LRRC4C: variants seen among roughly 807,000 people sequenced by gnomAD.
The protein encoded by LRRC4C is leucine rich repeat containing 4C, also known as leucine-rich repeat-containing protein 4C.
A neutral mutation model predicts 33.6 loss-of-function variants in LRRC4C; 5 were observed. That is an observed-to-expected ratio of 0.15 (90% CI 0.08 to 0.31). The LOEUF (loss-of-function observed/expected upper bound fraction) is 0.31, where lower values mean the gene tolerates loss of function less well. LRRC4C is among the 10% of genes least tolerant of loss of function. The probability of loss-of-function intolerance (pLI) is 1.00; values close to 1 mark genes in which losing one functional copy is unlikely to be tolerated. For missense variants in LRRC4C, 560 were observed against 796.7 expected (o/e 0.70, Z 3.58); for synonymous variants, 329 against 302.0 (o/e 1.09, Z -0.93).
intron 6 of LRRC4C, among the ~76,000 whole-genome samples, chr11:40,140,474 G>T (rs1374998597): frequency 6.6e-6 from 1 of 152,072 alleles, no homozygotes; most frequent in Non-Finnish European, 1.5e-5. Flanking sequence ...GACTGAATGA[G>T]GAGGCACTCA....
intron 3 of LRRC4C, among the ~76,000 whole-genome samples, chr11:40,454,114 T>G (rs1202290569): frequency 6.6e-6 from 1 of 152,118 alleles, no homozygotes; most frequent in African/African-American, 2.4e-5. Context: ...CTGTGGTATT[T>G]GGAGAATATT....
intron 3 of LRRC4C, among the ~76,000 whole-genome samples, chr11:40,613,641 A>G (rs2132216): frequency 0.95 from 144,908 of 151,808 alleles, 69,497 homozygotes; most frequent in Middle Eastern, 1. Context: ...TATTTTAAAT[A>G]CCATCTAGGA....
intron 5 of LRRC4C, among the ~76,000 whole-genome samples, chr11:40,149,212 G>T (rs191929256): frequency 7.6e-4 from 115 of 152,236 alleles, no homozygotes; most frequent in African/African-American, 2.7e-3. Flanking sequence ...ATCTTTTCTA[G>T]TTCTGTGAAG....
In LRRC4C at chr11:40,513,908, A is replaced by G. The variant is rs144634940; in HGVS notation, c.-270+134234T>C. On this transcript the variant is annotated intron_variant, in intron 3 of 6. Coordinates refer to ENST00000528697, the MANE Select transcript of LRRC4C (RefSeq NM_001258419.2). Reference sequence around the variant, plus strand: ...AGGGTGATAGAAACCAACCAAATGAAGTAAAGTATATCTTAAAAGGCAGGC... The same window carrying G: ...AGGGTGATAGAAACCAACCAAATGAGGTAAAGTATATCTTAAAAGGCAGGC... 7.9e-5 allele frequency among the ~76,000 whole-genome samples: 12 copies of G among 152,290 alleles called. 2 individuals carry two copies. Among genetic ancestry groups the G allele is most frequent in the African/African-American group, 2.9e-4 (12 of 41,576 alleles).
intron 4 of LRRC4C, among the ~76,000 whole-genome samples, chr11:40,309,111 A>T (rs1161251149): frequency 6.6e-6 from 1 of 152,208 alleles, no homozygotes; most frequent in Non-Finnish European, 1.5e-5. Flanking sequence ...AACCATCACC[A>T]CAGTGTCATT....
chr11:40,398,465 TTTG>T (rs1369365314), intron 3 of LRRC4C, among the ~76,000 whole-genome samples: 1 of 151,994 alleles, frequency 6.6e-6, no homozygotes, highest in African/African-American at 2.4e-5. Context: ...CCAATATGAG[TTTG>T]TTGTTGTTTT....
chr11:40,655,536 T>G (rs1943058138), intron 2 of LRRC4C, among the ~76,000 whole-genome samples: 1 of 152,210 alleles, frequency 6.6e-6, no homozygotes, highest in African/African-American at 2.4e-5. Flanking sequence ...ATCTTGGTGG[T>G]AAAAGTTTTG....
At position 40,990,266 on chromosome 11, in the gene LRRC4C, T is replaced by C. The variant is rs865875237; in HGVS notation, c.-495-56543A>G. On this transcript the variant is annotated intron_variant, in intron 1 of 6. Transcript: ENST00000528697. ...ATATATATATATATATATATATATA[T>C]ATATATATGAATATATGAGTATTCT... 5.7e-5 allele frequency among the ~76,000 whole-genome samples: 8 copies of C among 140,714 alleles called. 1 individual carries two copies. The highest frequency in any genetic ancestry group is 5.0e-4 in the Admixed American group (7 of 14,116). 92.3% of individuals were successfully genotyped at this position (140,714 alleles called of 152,430 possible).
intron 1 of LRRC4C, among the ~76,000 whole-genome samples, chr11:41,322,027 G>C (rs1950973971): frequency 6.6e-6 from 1 of 151,874 alleles, no homozygotes; most frequent in African/African-American, 2.4e-5. Flanking sequence ...ACCATGCCTG[G>C]CTAATTTTTC....
chr11:41,444,128 A>G (rs1282824772), intron 1 of LRRC4C, among the ~76,000 whole-genome samples: 4 of 152,162 alleles, frequency 2.6e-5, no homozygotes, highest in African/African-American at 9.7e-5. Flanking sequence ...ACAAGCCAGT[A>G]GCTATAAAAC....
At chr11:41,445,866 A>ATGTGTGTGTG (rs35999139) in intron 1 of LRRC4C, among the ~76,000 whole-genome samples, 2,661 of 149,820 alleles carry the variant, frequency 0.018, 91 homozygotes, top group African/African-American at 0.062. Context: ...GAGTGACTGC[A>ATGTGTGTGTG]TGTGTGTGTG....
intron 3 of LRRC4C, among the ~76,000 whole-genome samples, chr11:40,594,045 A>C (rs1221468498): frequency 2.0e-5 from 3 of 152,166 alleles, no homozygotes; most frequent in Non-Finnish European, 4.4e-5. Context: ...GGTCACTGTC[A>C]AAGTCATAAC....
chr11:40,259,011 T>C (rs897943157), intron 4 of LRRC4C, among the ~76,000 whole-genome samples: 4 of 152,202 alleles, frequency 2.6e-5, no homozygotes, highest in African/African-American at 7.2e-5. Context: ...TTAATGCTTG[T>C]AACAACTCTC....
chr11:40,888,106 G>A (rs975279263), intron 2 of LRRC4C, among the ~76,000 whole-genome samples: 2 of 151,830 alleles, frequency 1.3e-5, no homozygotes, highest in Non-Finnish European at 2.9e-5. Flanking sequence ...TTTAGTTCCT[G>A]TTAGTTAAGT....
At chr11:40,274,809 T>A (rs1367352902) in intron 4 of LRRC4C, among the ~76,000 whole-genome samples, 1 of 152,072 alleles carries the variant, frequency 6.6e-6, no homozygotes, top group African/African-American at 2.4e-5. Flanking sequence ...CACAGCAGCA[T>A]CCTCAATGGA....
At chr11:40,666,739 G>T (rs927502086) in intron 2 of LRRC4C, among the ~76,000 whole-genome samples, 6 of 152,058 alleles carry the variant, frequency 3.9e-5, no homozygotes, top group Non-Finnish European at 8.8e-5. Flanking sequence ...ATTAACAGGA[G>T]AAAAGAGCAA....
intron 1 of LRRC4C, among the ~76,000 whole-genome samples, chr11:41,153,463 A>T (rs1374518360): frequency 2.0e-5 from 3 of 152,184 alleles, no homozygotes; most frequent in African/African-American, 7.2e-5. Flanking sequence ...TCAATTAATT[A>T]AAAAAGAAAC....
chr11:41,202,040 G>A (rs948914925), intron 1 of LRRC4C, among the ~76,000 whole-genome samples: 6 of 152,066 alleles, frequency 3.9e-5, no homozygotes, highest in African/African-American at 7.2e-5. Context: ...TGCCTCACTC[G>A]TAATGCCTCA....
rs1337461615 is a variant in LRRC4C at position 40,140,840 on chromosome 11, G to A, written c.-82C>T. 1 of 139,994 alleles carries A rather than the reference G, an allele frequency of 7.1e-6. No homozygotes were observed. The highest frequency in any genetic ancestry group is 2.7e-5 in the African/African-American group (1 of 37,434). 8.7% of individuals were successfully genotyped at this position (139,994 alleles called of 1,614,324 possible). A position where few individuals can be genotyped will look rare whatever the true frequency, so the allele number is the denominator to read the frequency against. On this transcript the variant is annotated 5_prime_UTR_variant, in exon 6 of 7. Coordinates refer to ENST00000528697, the MANE Select transcript of LRRC4C (RefSeq NM_001258419.2). ...GGGGTCTCTATGCTGTAAGTAGGCA[G>A]TGCGTTTGCCAATCTAAAAAAAAAA...
Sources: gnomAD v4.1 joint callset for allele counts (sites outside exome capture counted in the v4.1 genomes callset) on GRCh38, gnomAD v4.1.1 for gene constraint, MANE v1.5 for transcripts, NCBI Gene and HGNC (gene_info 2026-07-23, HGNC 2026-07-21) for gene names.